The following TRIM33 variants were observed in gnomAD, a reference collection of about 807,000 sequenced individuals.
TRIM33 encodes tripartite motif containing 33.
TRIM33 carries 20 observed loss-of-function variants against 125.4 expected under a neutral mutation model. That is an observed-to-expected ratio of 0.16 (90% CI 0.11 to 0.23). The LOEUF (loss-of-function observed/expected upper bound fraction) is 0.23. Among genes scored for constraint, TRIM33 ranks in the 10% least tolerant of loss-of-function variants. TRIM33 has a pLI of 1.00. For synonymous variants in TRIM33, 564 were observed against 513.9 expected (o/e 1.10, Z -1.32); for missense variants, 920 against 1,411.4 (o/e 0.65, Z 5.58).
chr1:114,490,692 A>G (rs1051765760), intron 1 of TRIM33: 3 of 152,224 alleles, frequency 2.0e-5, no homozygotes, highest in African/African-American at 7.2e-5. Flanking sequence ...ATAAAAGAGT[A>G]TATTATTCAG....
intron 11 of TRIM33, among the ~76,000 whole-genome samples, chr1:114,420,723 G>T (rs189182211): frequency 6.6e-6 from 1 of 152,192 alleles, no homozygotes; most frequent in African/African-American, 2.4e-5. Flanking sequence ...GTTATAGAAA[G>T]ACTGAATCAA....
chr1:114,400,943 G>A (rs1312304139), intron 17 of TRIM33, among the ~76,000 whole-genome samples: 11 of 151,810 alleles, frequency 7.2e-5, no homozygotes, highest in Admixed American at 3.9e-4. Flanking sequence ...GTAAAAAATC[G>A]TGTCAGAAAA....
At chr1:114,400,112 G>A (rs1025979928) in intron 17 of TRIM33, among the ~76,000 whole-genome samples, 3 of 152,180 alleles carry the variant, frequency 2.0e-5, no homozygotes, top group Non-Finnish European at 4.4e-5. Flanking sequence ...ACCATTTAGT[G>A]TTCACGCTAG....
At chr1:114,478,237 G>C (rs1194774395) in intron 1 of TRIM33, among the ~76,000 whole-genome samples, 1 of 152,188 alleles carries the variant, frequency 6.6e-6, no homozygotes, top group Non-Finnish European at 1.5e-5. Context: ...TGAAAAATCA[G>C]TAGTTTTACT....
chr1:114,453,066 TAA>T (rs1439656022), intron 4 of TRIM33, among the ~76,000 whole-genome samples: 1 of 151,980 alleles, frequency 6.6e-6, no homozygotes, highest in Non-Finnish European at 1.5e-5. Context: ...AAGCGTTAGT[TAA>T]GACACACAGA....
chr1:114,473,912 G>A (rs1225473750), intron 1 of TRIM33, among the ~76,000 whole-genome samples: 1 of 152,148 alleles, frequency 6.6e-6, no homozygotes, highest in Non-Finnish European at 1.5e-5. Context: ...GTTTACCAGA[G>A]ACACACTTTA....
chr1:114,487,852 G>A (rs1379558538), intron 1 of TRIM33, among the ~76,000 whole-genome samples: 1 of 139,724 alleles, frequency 7.2e-6, no homozygotes, highest in African/African-American at 2.7e-5. Context: ...AGCCGAGATT[G>A]CGCCACTGCA....
chr1:114,410,502 CTG>C lies in TRIM33; in HGVS notation c.2062-188_2062-187del, dbSNP rs1427429808. On this transcript the variant is annotated intron_variant, in intron 11 of 19. Transcript: ENST00000358465. Reference sequence around the variant, plus strand: ...CAGTATAAAGTTTATTTAGATAAAACTGTATTATTCAGCAAACAACTAGGTGC... The same window carrying C: ...CAGTATAAAGTTTATTTAGATAAAACTATTATTCAGCAAACAACTAGGTGC... Among the ~76,000 whole-genome samples, 7 of 152,244 alleles carry C rather than the reference CTG, an allele frequency of 4.6e-5. No homozygotes were observed. The East Asian group carries it at 1.3e-3, about 29-fold the overall frequency.
intron 11 of TRIM33, among the ~76,000 whole-genome samples, chr1:114,417,014 A>G (rs1331407490): frequency 6.6e-6 from 1 of 152,248 alleles, no homozygotes; most frequent in Non-Finnish European, 1.5e-5. Context: ...AACAAATGAT[A>G]TATGTATACA....
chr1:114,427,386 T>G, intron 7 of TRIM33, 92 bp from the exon 8 acceptor site: 1 of 708,436 alleles, frequency 1.4e-6, no homozygotes, highest in Non-Finnish European at 2.5e-6. Context: ...AGCACATATA[T>G]TCCCACAGTG....
intron 1 of TRIM33, among the ~76,000 whole-genome samples, chr1:114,484,051 A>G (rs1298225406): frequency 4.6e-5 from 7 of 152,226 alleles, no homozygotes; most frequent in Non-Finnish European, 1.0e-4. Context: ...TCACTCAAGA[A>G]AAGATGTTAA....
rs903320467 is a variant in TRIM33, at chr1:114,410,250, G to A, written c.2128C>T (p.Pro710Ser). The change falls in exon 12 of 20, where the codon CCC (proline) becomes TCC (serine). Residue 710 changes from proline (P) to serine (S), a missense_variant. By Grantham distance (74) the Pro-to-Ser change is moderately conservative. Transcript: ENST00000358465. ...LSRYISGSHL[P>S]PQPTSTMNPS... ...TTCATGGTGCTTGTAGGCTGTGGGG[G>A]TAGGTGACTGCCTGAGATGTATCTA... 5 of 1,613,916 alleles carry A rather than the reference G, an allele frequency of 3.1e-6. No homozygotes were observed. Among genetic ancestry groups the A allele is most frequent in the Non-Finnish European group, 2.5e-6 (3 of 1,179,872 alleles).
intron 1 of TRIM33, among the ~76,000 whole-genome samples, chr1:114,497,790 C>G (rs1652458719): frequency 6.6e-6 from 1 of 151,880 alleles, no homozygotes; most frequent in Admixed American, 6.6e-5. Flanking sequence ...ACAGAATCTT[C>G]CATCAGAACT....
chr1:114,422,315 G>C (rs1237714852), intron 10 of TRIM33, among the ~76,000 whole-genome samples: 1 of 152,134 alleles, frequency 6.6e-6, no homozygotes, highest in Non-Finnish European at 1.5e-5. Flanking sequence ...CAAAGTCTAA[G>C]GAAAATGTTC....
intron 11 of TRIM33, among the ~76,000 whole-genome samples, chr1:114,411,691 G>C (rs1289343191): frequency 6.6e-6 from 1 of 152,110 alleles, no homozygotes; most frequent in African/African-American, 2.4e-5. Flanking sequence ...TAACTCTAAG[G>C]GTAGAGGATG....
rs1651740374 is a variant in TRIM33 at position 114,399,431 on chromosome 1, A to G, written c.3120+26T>C. ...AACAAACAAAAACTAACAAATCAAG[A>G]CTCTATAGGTTGGAAGTTAACATAC... On this transcript the variant is annotated intron_variant, in intron 18 of 19. Transcript: ENST00000358465. 6.3e-6 allele frequency: 10 copies of G among 1,591,436 alleles called. No homozygotes were observed. The East Asian group carries it at 2.0e-4, about 32-fold the overall frequency.
intron 1 of TRIM33, among the ~76,000 whole-genome samples, chr1:114,508,082 A>G (rs1653108931): frequency 6.6e-6 from 1 of 152,084 alleles, no homozygotes; most frequent in South Asian, 2.1e-4. Context: ...GAGCCACTGC[A>G]CTCCAGCCTG....
chr1:114,431,392 A>G (rs976986786), intron 5 of TRIM33, among the ~76,000 whole-genome samples: 19 of 152,188 alleles, frequency 1.2e-4, no homozygotes, highest in African/African-American at 4.6e-4. Context: ...GTTCTGATAC[A>G]CTCCCTTCAA....
intron 1 of TRIM33, among the ~76,000 whole-genome samples, chr1:114,485,179 A>C (rs529500965): frequency 1.3e-5 from 2 of 152,318 alleles, no homozygotes; most frequent in African/African-American, 2.4e-5. Flanking sequence ...TCATGATTCC[A>C]TAATCTCACG....
Sources: allele counts gnomAD v4.1 joint callset (sites outside exome capture counted in the v4.1 genomes callset), GRCh38; gene constraint gnomAD v4.1.1; transcripts MANE v1.5; gene names NCBI Gene and HGNC (gene_info 2026-07-23, HGNC 2026-07-21).